Variants in LRRC7 observed in about 807,000 individuals in gnomAD.
The protein encoded by LRRC7 is leucine rich repeat containing 7.
In LRRC7, 23 loss-of-function variants were observed where a neutral mutation model predicts 175.7. That is an observed-to-expected ratio of 0.13 (90% CI 0.09 to 0.19). The LOEUF (loss-of-function observed/expected upper bound fraction) is 0.19, where lower values mean the gene tolerates loss of function less well. LRRC7 is among the 10% of genes least tolerant of loss of function. The probability of loss-of-function intolerance (pLI) is 1.00; values close to 1 mark genes in which losing one functional copy is unlikely to be tolerated. For synonymous variants in LRRC7, 685 were observed against 680.9 expected (o/e 1.01, Z -0.09); for missense variants, 1,354 against 1,904.7 (o/e 0.71, Z 5.38).
intron 7 of LRRC7, among the ~76,000 whole-genome samples, chr1:69,888,894 G>T (rs1335925573): frequency 6.6e-6 from 1 of 152,108 alleles, no homozygotes; most frequent in Non-Finnish European, 1.5e-5. Context: ...TATGCTAAGA[G>T]AGTGGATCTT....
chr1:69,754,368 T>C (rs985836432), intron 2 of LRRC7, among the ~76,000 whole-genome samples: 1 of 151,850 alleles, frequency 6.6e-6, no homozygotes, highest in Non-Finnish European at 1.5e-5. Context: ...GTTCAGGAAA[T>C]GTTTAGGGTA....
At chr1:69,738,201 G>A (rs569042388) in intron 2 of LRRC7, among the ~76,000 whole-genome samples, 3 of 152,038 alleles carry the variant, frequency 2.0e-5, no homozygotes, top group Admixed American at 6.6e-5. Context: ...ATATTGCATT[G>A]ATTACTTCAC....
intron 8 of LRRC7, among the ~76,000 whole-genome samples, chr1:69,950,836 A>G (rs1158152805): frequency 6.6e-6 from 1 of 152,134 alleles, no homozygotes; most frequent in Non-Finnish European, 1.5e-5. Context: ...ATAATCTGCT[A>G]TGTTGCTTTT....
intron 4 of LRRC7, among the ~76,000 whole-genome samples, chr1:69,818,123 C>T (rs543057445): frequency 1.4e-3 from 207 of 152,144 alleles, no homozygotes; most frequent in Non-Finnish European, 2.3e-3. Context: ...TTGCCTAACC[C>T]TCTGGTTAAA....
chr1:69,986,077 C>A (rs976747698), intron 9 of LRRC7, among the ~76,000 whole-genome samples, 165 bp from the exon 10 acceptor site: 1 of 152,186 alleles, frequency 6.6e-6, no homozygotes, highest in Non-Finnish European at 1.5e-5. Flanking sequence ...ATTTTACATT[C>A]CTACTAGCAA....
chr1:70,058,480 C>G (rs1661328039), intron 23 of LRRC7, among the ~76,000 whole-genome samples: 1 of 152,154 alleles, frequency 6.6e-6, no homozygotes, highest in African/African-American at 2.4e-5. Context: ...ACCATGGTTT[C>G]AGAAGGAGAA....
intron 3 of LRRC7, among the ~76,000 whole-genome samples, chr1:69,791,130 A>C (rs1246839203): frequency 6.6e-6 from 1 of 151,984 alleles, no homozygotes; most frequent in Non-Finnish European, 1.5e-5. Context: ...AAAAGATCTC[A>C]TTAAGATAAT....
intron 18 of LRRC7, among the ~76,000 whole-genome samples, chr1:70,034,374 A>T (rs569796434): frequency 1.6e-3 from 146 of 91,798 alleles, no homozygotes; most frequent in Non-Finnish European, 2.4e-3. Context: ...AAGGATTTAT[A>T]AAAAAAAAAG....
chr1:70,085,642 T>A (rs1235075762), intron 24 of LRRC7, among the ~76,000 whole-genome samples: 5 of 152,106 alleles, frequency 3.3e-5, no homozygotes, highest in Non-Finnish European at 5.9e-5. Flanking sequence ...CAGAGAGGGT[T>A]TTTTTACCTA....
At chr1:69,690,401 A>T (rs1661703092) in intron 2 of LRRC7, among the ~76,000 whole-genome samples, 1 of 152,210 alleles carries the variant, frequency 6.6e-6, no homozygotes, top group Non-Finnish European at 1.5e-5. Context: ...GATGTCCGGG[A>T]AGAAGTAGGA....
chr1:70,117,577 AAATT>A (rs1256542799), intron 26 of LRRC7, among the ~76,000 whole-genome samples: 1 of 152,196 alleles, frequency 6.6e-6, no homozygotes, highest in Non-Finnish European at 1.5e-5. Context: ...ATCAAATAAA[AAATT>A]AAATAAAGGA....
At chr1:69,597,044 A>G (rs79244502) in intron 1 of LRRC7, among the ~76,000 whole-genome samples, 2,410 of 152,332 alleles carry the variant, frequency 0.016, 62 homozygotes, top group East Asian at 0.077. Context: ...ATCAAAGCCA[A>G]TAAGTATTCA....
chr1:70,003,788 A>C (rs1231855622), intron 11 of LRRC7, among the ~76,000 whole-genome samples: 1 of 152,096 alleles, frequency 6.6e-6, no homozygotes, highest in Non-Finnish European at 1.5e-5. Flanking sequence ...AAATGTTTCC[A>C]TATTTTTCAT....
intron 7 of LRRC7, among the ~76,000 whole-genome samples, chr1:69,878,276 G>GGA (rs1553167522): frequency 8.1e-6 from 1 of 123,896 alleles, no homozygotes; most frequent in African/African-American, 3.4e-5. Flanking sequence ...CCTTATCTTA[G>GGA]AAAAAAAAAA....
At chr1:69,769,291 TGTG>T (rs1484440681) in intron 3 of LRRC7, among the ~76,000 whole-genome samples, 2 of 152,192 alleles carry the variant, frequency 1.3e-5, no homozygotes, top group African/African-American at 2.4e-5. Context: ...CTCCTACAAT[TGTG>T]GTGATGATCA....
chr1:70,033,379 A>G (rs1658970556), intron 18 of LRRC7, among the ~76,000 whole-genome samples: 1 of 152,214 alleles, frequency 6.6e-6, no homozygotes, highest in South Asian at 2.1e-4. Flanking sequence ...AGTGTTTAGC[A>G]TAGTAGCACC....
intron 3 of LRRC7, among the ~76,000 whole-genome samples, chr1:69,764,428 G>A (rs976118237): frequency 6.6e-6 from 1 of 151,900 alleles, no homozygotes. Flanking sequence ...GAAAGACCTG[G>A]AGAGTGAATT....
At chr1:69,796,746 A>G (rs1288321480) in intron 4 of LRRC7, among the ~76,000 whole-genome samples, 1 of 151,710 alleles carries the variant, frequency 6.6e-6, no homozygotes, top group Non-Finnish European at 1.5e-5. Context: ...GTGAGCCGAG[A>G]TTGTACCATT....
chr1:69,572,661 A>C (rs1251118498), intron 1 of LRRC7, among the ~76,000 whole-genome samples: 1 of 152,166 alleles, frequency 6.6e-6, no homozygotes, highest in Non-Finnish European at 1.5e-5. Flanking sequence ...AGTAAGAAAA[A>C]CTTAGGTATG....
Sources: gnomAD v4.1 joint callset for allele counts (sites outside exome capture counted in the v4.1 genomes callset) on GRCh38, gnomAD v4.1.1 for gene constraint, MANE v1.5 for transcripts, NCBI Gene and HGNC (gene_info 2026-07-23, HGNC 2026-07-21) for gene names.